The following MED27 variants were observed in gnomAD, a reference collection of about 807,000 sequenced individuals.
The protein encoded by MED27 is mediator complex subunit 27.
In MED27, 30 loss-of-function variants were observed where a neutral mutation model predicts 38.2. The ratio of observed to expected loss-of-function variants is 0.79; its 90% CI spans 0.59 to 1.07. MED27 has a LOEUF of 1.07. Ranked by LOEUF, MED27 falls within the 50% of genes least tolerant of loss-of-function variation. MED27 has a pLI of 0.00. For missense variants in MED27, 289 were observed against 397.5 expected, an observed-to-expected ratio of 0.73 and a Z score of 2.32; for synonymous variants, 122 against 153.5, an observed-to-expected ratio of 0.79 and a Z score of 1.52.
intron 3 of MED27, among the ~76,000 whole-genome samples, chr9:131,965,123 GCT>G (rs1480896264): frequency 2.0e-5 from 3 of 152,184 alleles, no homozygotes; most frequent in African/African-American, 7.2e-5. Flanking sequence ...TATTCATGAA[GCT>G]CTCTCCCTCA....
intron 4 of MED27, among the ~76,000 whole-genome samples, chr9:131,902,316 A>G (rs1403168926): frequency 6.6e-6 from 1 of 152,172 alleles, no homozygotes; most frequent in Non-Finnish European, 1.5e-5. Flanking sequence ...AGCAGGCTCG[A>G]GAGCTGCGGC....
intron 3 of MED27, among the ~76,000 whole-genome samples, chr9:131,946,660 G>A (rs1830892103): frequency 1.3e-5 from 2 of 152,102 alleles, no homozygotes; most frequent in Admixed American, 1.3e-4. Context: ...GAGGGCCAAG[G>A]AGACCTTCAC....
intron 4 of MED27, among the ~76,000 whole-genome samples, chr9:131,921,634 A>G (rs567412715): frequency 1.4e-4 from 22 of 152,384 alleles, no homozygotes; most frequent in African/African-American, 5.0e-4. Flanking sequence ...TCAAGGATCT[A>G]GAACTAGAAA....
intron 3 of MED27, among the ~76,000 whole-genome samples, chr9:131,972,763 TAC>T (rs1309180044): frequency 1.3e-5 from 2 of 152,120 alleles, no homozygotes; most frequent in African/African-American, 4.8e-5. Context: ...CAGAGTAACC[TAC>T]AGAGTTTGCC....
intron 2 of MED27, among the ~76,000 whole-genome samples, chr9:132,016,749 CA>C (rs529281058): frequency 4.6e-4 from 70 of 152,212 alleles, no homozygotes; most frequent in Non-Finnish European, 6.0e-4. Flanking sequence ...TCAGCCATTC[CA>C]GCCCTGCTGA....
chr9:131,968,355 T>C (rs1831398790), intron 3 of MED27, among the ~76,000 whole-genome samples: 1 of 150,940 alleles, frequency 6.6e-6, no homozygotes, highest in African/African-American at 2.4e-5. Context: ...ATGCCTGTGG[T>C]CCCAGCTACT....
At chr9:131,989,624 A>G (rs1186709693) in intron 3 of MED27, among the ~76,000 whole-genome samples, 1 of 152,206 alleles carries the variant, frequency 6.6e-6, no homozygotes, top group African/African-American at 2.4e-5. Context: ...CTGTTGTGAA[A>G]CCAGTTGTAT....
At chr9:131,887,852 C>T (rs926596447) in intron 5 of MED27, among the ~76,000 whole-genome samples, 20 of 152,154 alleles carry the variant, frequency 1.3e-4, no homozygotes, top group Admixed American at 3.9e-4. Flanking sequence ...GCTGAGTCTG[C>T]AGTCTCAGGA....
rs778045676 is a variant in MED27 at position 131,863,066 on chromosome 9, G to A, written c.798C>T (p.Phe266=). ...CCTGACTCTTGAAGCCACTTACCATGAAGGATCGGACCACGACATCCGGCA... is the reference window on the plus strand; with the variant it reads ...CCTGACTCTTGAAGCCACTTACCATAAAGGATCGGACCACGACATCCGGCA... ...PQMPDVVVRS[F]MTWLRSYIKL... Residue 266 remains phenylalanine, a synonymous_variant, in exon 7 of 8, where the codon TTC becomes TTT. Coordinates refer to ENST00000292035, the MANE Select transcript of MED27 (RefSeq NM_004269.4). The A allele has an allele frequency of 3.1e-6, 5 of 1,614,070 alleles. No individual in the cohort carries two copies. The Admixed American group carries it at 6.7e-5, about 22-fold the overall frequency.
At chr9:131,926,568 T>C (rs970673940) in intron 4 of MED27, among the ~76,000 whole-genome samples, 7 of 152,242 alleles carry the variant, frequency 4.6e-5, no homozygotes, top group Admixed American at 1.3e-4. Flanking sequence ...CTGTCAAGAA[T>C]GTGCATTTCC....
At chr9:131,934,677 A>G (rs933844783) in intron 4 of MED27, among the ~76,000 whole-genome samples, 19 of 152,198 alleles carry the variant, frequency 1.2e-4, no homozygotes, top group African/African-American at 4.1e-4. Flanking sequence ...CAAAAAATAG[A>G]GCTACCATAT....
At position 132,079,714 on chromosome 9, in the gene MED27, G is replaced by C. The variant is rs1238015624; in HGVS notation, c.131C>G (p.Thr44Arg). ...CLKDGMRNKE[T>R]LEGREKAFIA... ...AAAGGCCTTCTCCCGGCCCTCCAGC[G>C]TCTCCTTGTTCCGCATCCCATCCTT... Residue 44 changes from threonine to arginine, a missense_variant, in exon 1 of 8, where the codon ACG (threonine) becomes AGG (arginine). Physicochemically the swap from Thr to Arg is moderately conservative, Grantham distance 71. Coordinates refer to ENST00000292035, the MANE Select transcript of MED27 (RefSeq NM_004269.4). 9 of 1,613,670 alleles carry C rather than the reference G, an allele frequency of 5.6e-6. No homozygotes were observed. Among genetic ancestry groups the C allele is most frequent in the Non-Finnish European group, 6.8e-6 (8 of 1,179,936 alleles).
At chr9:131,907,759 A>G (rs1431402453) in intron 4 of MED27, among the ~76,000 whole-genome samples, 1 of 140,910 alleles carries the variant, frequency 7.1e-6, no homozygotes, top group African/African-American at 2.7e-5. Flanking sequence ...CCGCCATCCC[A>G]TCTAGGAATT....
intron 3 of MED27, among the ~76,000 whole-genome samples, chr9:132,007,879 G>T (rs1401587912): frequency 6.6e-6 from 1 of 151,924 alleles, no homozygotes; most frequent in Non-Finnish European, 1.5e-5. Flanking sequence ...AAACAAGTAT[G>T]CCCTTAATCA....
intron 1 of MED27, 121 bp downstream of exon 1, chr9:132,079,521 G>A (rs1402541338): frequency 3.4e-6 from 3 of 891,596 alleles, no homozygotes; most frequent in Non-Finnish European, 5.3e-6. Context: ...AGAACAAGAA[G>A]AGAAAGAACA....
chr9:131,940,812 G>A (rs1830773587), intron 3 of MED27, among the ~76,000 whole-genome samples: 1 of 152,206 alleles, frequency 6.6e-6, no homozygotes, highest in Admixed American at 6.5e-5. Flanking sequence ...TATCAGGCAA[G>A]CTATCAGCTT....
intron 3 of MED27, among the ~76,000 whole-genome samples, chr9:131,976,192 C>T (rs1042107012): frequency 2.0e-5 from 3 of 152,266 alleles, no homozygotes; most frequent in African/African-American, 7.2e-5. Context: ...CTTAATCCAA[C>T]TCCTGGTAAT....
intron 2 of MED27, among the ~76,000 whole-genome samples, chr9:132,037,399 A>T (rs1404184077): frequency 1.3e-5 from 2 of 152,166 alleles, no homozygotes; most frequent in Non-Finnish European, 2.9e-5. Flanking sequence ...GTTCAGTCAG[A>T]TACCTAGGTA....
chr9:131,882,338 G>A (rs2131482248), intron 6 of MED27, among the ~76,000 whole-genome samples: 1 of 152,276 alleles, frequency 6.6e-6, no homozygotes, highest in East Asian at 1.9e-4. Flanking sequence ...ATGCACACCA[G>A]ATTTTCTTGT....
Sources: allele counts gnomAD v4.1 joint callset (sites outside exome capture counted in the v4.1 genomes callset), GRCh38; gene constraint gnomAD v4.1.1; transcripts MANE v1.5; gene names NCBI Gene and HGNC (gene_info 2026-07-23, HGNC 2026-07-21).